DDX46: variants seen among roughly 807,000 people sequenced by gnomAD.
DDX46 encodes probable ATP-dependent RNA helicase DDX46.
Under a neutral mutation model 134.9 loss-of-function variants are expected in DDX46, and 30 were observed. The observed-to-expected ratio is 0.22, with a 90% CI of 0.17 to 0.30. DDX46 has a LOEUF of 0.30. Ranked by LOEUF, DDX46 falls within the 10% of genes least tolerant of loss-of-function variation. DDX46 has a pLI of 1.00. For synonymous variants in DDX46, 415 were observed against 404.1 expected (o/e 1.03, Z -0.32); for missense variants, 622 against 1,248.7 (o/e 0.50, Z 7.56).
intron 14 of DDX46, 105 bp downstream of exon 14, chr5:134,795,119 T>C (rs1754610945): frequency 1.8e-5 from 24 of 1,315,056 alleles, no homozygotes; most frequent in Middle Eastern, 2.4e-4. Flanking sequence ...ATTTCTAAAA[T>C]CAAGTCGTAT....
At chr5:134,795,086 CTGTT>C (rs1754609950) in intron 14 of DDX46, 72 bp downstream of exon 14, 1 of 1,553,842 alleles carries the variant, frequency 6.4e-7, no homozygotes, top group Non-Finnish European at 8.7e-7. Context: ...TCTATGATCA[CTGTT>C]TGTGAGGTAG....
At chr5:134,777,774 T>C (rs1376641921) in intron 6 of DDX46, 49 bp downstream of exon 6, 1 of 1,561,904 alleles carries the variant, frequency 6.4e-7, no homozygotes, top group African/African-American at 1.4e-5. Context: ...TTGGGTAACT[T>C]GAGTTCTCCA....
At position 134,792,010 on chromosome 5, in the gene DDX46, C is replaced by T. The variant is rs553051953; in HGVS notation, c.1626+1458C>T. Among the ~76,000 whole-genome samples, 3 of 152,182 alleles carry T rather than the reference C, an allele frequency of 2.0e-5. No homozygotes were observed. In the South Asian group the frequency reaches 6.2e-4, roughly 32 times the overall value. Reference sequence around the variant, plus strand: ...TGGCCAACATCGTGAAACCCCGTTTCTACTAAAAATACAAAAATTAGCTGG... The same window carrying T: ...TGGCCAACATCGTGAAACCCCGTTTTTACTAAAAATACAAAAATTAGCTGG... On this transcript the variant is annotated intron_variant, in intron 13 of 22. Coordinates refer to ENST00000452510, the MANE Select transcript of DDX46 (RefSeq NM_001300860.2).
chr5:134,807,586 G>A (rs1328412405), intron 15 of DDX46, among the ~76,000 whole-genome samples, 162 bp from the exon 16 acceptor site: 1 of 152,170 alleles, frequency 6.6e-6, no homozygotes, highest in South Asian at 2.1e-4. Flanking sequence ...TGAGTTAATA[G>A]CAATAACCTT....
At chr5:134,788,407 AAG>A (rs1754405737) in intron 11 of DDX46, 104 bp from the exon 12 acceptor site, 1 of 822,040 alleles carries the variant, frequency 1.2e-6, no homozygotes, top group South Asian at 1.9e-5. Context: ...ATTAAGCAGG[AAG>A]CTTGGAAGTC....
At chr5:134,788,044 A>G (rs965893408) in intron 11 of DDX46, among the ~76,000 whole-genome samples, 10 of 151,228 alleles carry the variant, frequency 6.6e-5, no homozygotes, top group Non-Finnish European at 1.3e-4. Context: ...AAAAAAAAAA[A>G]GCTGATTATG....
intron 2 of DDX46, 148 bp from the exon 3 acceptor site, chr5:134,766,769 C>A: frequency 1.2e-6 from 1 of 856,996 alleles, no homozygotes; most frequent in Non-Finnish European, 1.7e-6. Context: ...TTTCGTTGAG[C>A]ACTTATAAGA....
intron 13 of DDX46, among the ~76,000 whole-genome samples, chr5:134,791,008 GA>G (rs1478498215): frequency 6.8e-6 from 1 of 146,600 alleles, no homozygotes; most frequent in African/African-American, 2.6e-5. Flanking sequence ...AATAGAGATG[GA>G]GTTTCACCAC....
chr5:134,777,441 T>C, intron 5 of DDX46, 133 bp from the exon 6 acceptor site: 6 of 938,098 alleles, frequency 6.4e-6, no homozygotes, highest in Non-Finnish European at 9.4e-6. Context: ...TTTGAACTGA[T>C]GGATGGCTGG....
In DDX46 at chr5:134,802,497, G is replaced by T. The variant is rs188912540; in HGVS notation, c.1955-5251G>T. 4.8e-3 allele frequency among the ~76,000 whole-genome samples: 648 copies of T among 135,054 alleles called. 29 individuals are homozygous for T. In the East Asian group the frequency reaches 0.11, roughly 23 times the overall value. 88.6% of individuals were successfully genotyped at this position (135,054 alleles called of 152,430 possible). A position where few individuals can be genotyped will look rare whatever the true frequency, so the allele number is the denominator to read the frequency against. On this transcript the variant is annotated intron_variant, in intron 15 of 22. Transcript: ENST00000452510. Reference sequence around the variant, plus strand: ...CTTTTACCCTGTTGTCAACATTATCGTTTTTTTTTTTTTTGTCATCGCCTA... The same window carrying T: ...CTTTTACCCTGTTGTCAACATTATCTTTTTTTTTTTTTTTGTCATCGCCTA...
intron 6 of DDX46, 43 bp downstream of exon 6, chr5:134,777,768 G>T: frequency 3.8e-6 from 6 of 1,566,918 alleles, no homozygotes; most frequent in Non-Finnish European, 5.2e-6. Flanking sequence ...TTCCTCTTGG[G>T]TAACTTGAGT....
At chr5:134,775,654 G>T (rs780571147) in intron 5 of DDX46, among the ~76,000 whole-genome samples, 3 of 151,924 alleles carry the variant, frequency 2.0e-5, no homozygotes, top group African/African-American at 4.8e-5. Context: ...CTTGTGATCC[G>T]CCCGCCTTGG....
At chr5:134,771,126 GTCTT>G (rs1448129689) in intron 4 of DDX46, 127 bp downstream of exon 4, 5 of 525,604 alleles carry the variant, frequency 9.5e-6, no homozygotes, top group Non-Finnish European at 9.9e-6. Flanking sequence ...CTTTCTTTCT[GTCTT>G]TCTTTCTGTC....
intron 12 of DDX46, chr5:134,789,350 C>G (rs191589743): frequency 6.6e-6 from 1 of 152,250 alleles, no homozygotes; most frequent in African/African-American, 2.4e-5. Context: ...TTAGATAGCA[C>G]TTATTTTGGC....
chr5:134,806,963 CTT>C (rs1448632304), intron 15 of DDX46, among the ~76,000 whole-genome samples: 1 of 151,938 alleles, frequency 6.6e-6, no homozygotes, highest in Non-Finnish European at 1.5e-5. Flanking sequence ...ATTCCTAAAA[CTT>C]TAATTTGCAT....
intron 5 of DDX46, among the ~76,000 whole-genome samples, chr5:134,775,085 G>T (rs1753893561): frequency 6.6e-6 from 1 of 152,038 alleles, no homozygotes; most frequent in African/African-American, 2.4e-5. Flanking sequence ...CTCCCATAGT[G>T]CTGGGATTAC....
chr5:134,769,039 C>CA (rs1283631693), intron 3 of DDX46, among the ~76,000 whole-genome samples: 3 of 152,202 alleles, frequency 2.0e-5, no homozygotes, highest in South Asian at 4.1e-4. Context: ...GCCTGGCCGA[C>CA]AGAGAGAGAC....
At chr5:134,790,955 C>A (rs1156229772) in intron 13 of DDX46, among the ~76,000 whole-genome samples, 2 of 151,404 alleles carry the variant, frequency 1.3e-5, no homozygotes, top group East Asian at 3.9e-4. Context: ...CTCCCGAGTA[C>A]CTGGGACTAC....
At chr5:134,821,823 G>A (rs1755461499) in intron 21 of DDX46, among the ~76,000 whole-genome samples, 1 of 151,700 alleles carries the variant, frequency 6.6e-6, no homozygotes, top group South Asian at 2.1e-4. Flanking sequence ...CCAAAGTGCT[G>A]GGATTACAGG....
Sources: gnomAD v4.1 joint callset for allele counts (sites outside exome capture counted in the v4.1 genomes callset) on GRCh38, gnomAD v4.1.1 for gene constraint, MANE v1.5 for transcripts, NCBI Gene and HGNC (gene_info 2026-07-23, HGNC 2026-07-21) for gene names.